Variants in SKIL observed in about 807,000 individuals in gnomAD.
SKIL encodes the protein ski-like protein.
In SKIL, 20 loss-of-function variants were observed where a neutral mutation model predicts 69.6. That is an observed-to-expected ratio of 0.29 (90% CI 0.20 to 0.42). SKIL has a LOEUF of 0.42. SKIL is among the 10% of genes least tolerant of loss of function. The probability of loss-of-function intolerance (pLI) is 1.00; values close to 1 mark genes in which losing one functional copy is unlikely to be tolerated. For synonymous variants in SKIL, 310 were observed against 279.9 expected, an observed-to-expected ratio of 1.11 and a Z score of -1.08; for missense variants, 745 against 783.1, an observed-to-expected ratio of 0.95 and a Z score of 0.58.
intron 2 of SKIL, among the ~76,000 whole-genome samples, chr3:170,376,110 C>T (rs1379092150): frequency 7.1e-6 from 1 of 140,884 alleles, no homozygotes; most frequent in East Asian, 2.1e-4. Flanking sequence ...CGCAGTGGCG[C>T]AATCTCAGCT....
intron 2 of SKIL, among the ~76,000 whole-genome samples, chr3:170,380,542 A>G (rs1006549589): frequency 6.6e-6 from 1 of 151,942 alleles, no homozygotes; most frequent in Non-Finnish European, 1.5e-5. Flanking sequence ...TACTCAGGAT[A>G]CTGAAGCAGA....
In SKIL at chr3:170,361,356, AG is replaced by A; in HGVS notation, c.1026del (p.Lys343AsnfsTer2). The A allele has an allele frequency of 6.2e-7, 1 of 1,609,366 alleles. No individual in the cohort carries two copies. The highest frequency in any genetic ancestry group is 8.5e-7 in the Non-Finnish European group (1 of 1,178,666). On this transcript the variant is annotated frameshift_variant, in exon 2 of 7. Coordinates refer to ENST00000259119, the MANE Select transcript of SKIL (RefSeq NM_005414.5). LOFTEE classifies it high-confidence loss of function. ...NQKYLGTPEE[K>X]KLKIILEEMK... ...AAATACTTAGGAACACCTGAAGAAAAGAAACTGAAGATAATTTTAGAAGAAA... is the reference window on the plus strand; with the variant it reads ...AAATACTTAGGAACACCTGAAGAAAAAAACTGAAGATAATTTTAGAAGAAA...
rs200215458 is a variant in SKIL, at chr3:170,382,540, G to A, written c.1196+1199G>A. Among the ~76,000 whole-genome samples the A allele has an allele frequency of 4.0e-4, 60 of 150,688 alleles. No individual in the cohort carries two copies. The East Asian group carries it at 0.01, about 26-fold the overall frequency. On this transcript the variant is annotated intron_variant, in intron 3 of 6. Transcript: ENST00000259119. ...AGCAGTTCTCTTGTCATGGCATCCT[G>A]TAGCTGAGCCTGAGCGCCAGCTGTC... is the stretch of plus-strand genomic sequence containing the variant.
intron 2 of SKIL, among the ~76,000 whole-genome samples, chr3:170,366,406 G>A (rs1736515784): frequency 1.3e-5 from 2 of 151,892 alleles, no homozygotes; most frequent in Non-Finnish European, 1.5e-5. Context: ...TAGGCCAGGC[G>A]CGGTGGCTCA....
intron 2 of SKIL, 41 bp downstream of exon 2, chr3:170,361,470 A>T: frequency 7.0e-7 from 1 of 1,430,336 alleles, no homozygotes; most frequent in Non-Finnish European, 9.5e-7. Flanking sequence ...GTAATGGTTT[A>T]CTTTGAAATG....
intron 3 of SKIL, among the ~76,000 whole-genome samples, chr3:170,382,426 T>TTG (rs1398090554): frequency 4.0e-5 from 6 of 151,546 alleles, no homozygotes; most frequent in Non-Finnish European, 5.9e-5. Flanking sequence ...TTTTTTTTTT[T>TTG]TTTTTTGAGA....
rs1428564368 is a variant in SKIL at position 170,391,343 on chromosome 3, G to C, written c.1896+83G>C. On this transcript the variant is annotated intron_variant, in intron 6 of 6. Coordinates refer to ENST00000259119, the MANE Select transcript of SKIL (RefSeq NM_005414.5). ...TTCTCTCTTTTTTTTTTTTGAGACA[G>C]AGACTGCTCTGTCGCCCAGGCTGGA... 4 of 767,612 alleles carry C rather than the reference G, an allele frequency of 5.2e-6. No individual in the cohort carries two copies. The East Asian group carries it at 1.1e-4, about 21-fold the overall frequency. The allele number at this position is 767,612 out of a possible 1,614,324, so 47.6% of individuals were successfully genotyped here. A position where few individuals can be genotyped will look rare whatever the true frequency, so the allele number is the denominator to read the frequency against.
chr3:170,384,382 C>T, intron 3 of SKIL, 151 bp from the exon 4 acceptor site: 1 of 525,424 alleles, frequency 1.9e-6, no homozygotes. Context: ...CCTAAGAATT[C>T]TTTACTGTGA....
At chr3:170,392,238 A>T in intron 6 of SKIL, 21 bp from the exon 7 acceptor site, 1 of 1,555,494 alleles carries the variant, frequency 6.4e-7, no homozygotes. Context: ...TAAAATTGAT[A>T]GCGCCTTTTA....
chr3:170,366,421 T>G (rs921005676), intron 2 of SKIL, among the ~76,000 whole-genome samples: 1 of 152,152 alleles, frequency 6.6e-6, no homozygotes, highest in Admixed American at 6.5e-5. Flanking sequence ...GGCTCATGCC[T>G]GTAATCCCAG....
chr3:170,364,308 CGTCTTTT>C, intron 2 of SKIL, among the ~76,000 whole-genome samples: 1 of 123,292 alleles, frequency 8.1e-6, no homozygotes, highest in Admixed American at 1.1e-4. Context: ...TTGTTGCTCC[CGTCTTTT>C]TTTTTTTTTT....
intron 2 of SKIL, among the ~76,000 whole-genome samples, chr3:170,362,479 G>A (rs535646379): frequency 2.9e-4 from 44 of 152,196 alleles, no homozygotes; most frequent in African/African-American, 1.0e-3. Flanking sequence ...TCCAGCGTAG[G>A]CGTCGAGGGA....
chr3:170,387,766 A>AAAAAAAAAAC (rs1416419622), intron 4 of SKIL, among the ~76,000 whole-genome samples: 1 of 132,568 alleles, frequency 7.5e-6, no homozygotes, highest in African/African-American at 2.6e-5. Flanking sequence ...TACTAAAAAA[A>AAAAAAAAAAC]AAAAAAAATA....
intron 2 of SKIL, 112 bp from the exon 3 acceptor site, chr3:170,381,132 A>T (rs1737321513): frequency 1.5e-6 from 1 of 661,024 alleles, no homozygotes; most frequent in African/African-American, 1.8e-5. Flanking sequence ...TGGCATGATG[A>T]CTCTTAAATA....
At position 170,394,739 on chromosome 3, in the gene SKIL, C is replaced by G. The variant is rs1321179611; in HGVS notation, c.*2322C>G. On this transcript the variant is annotated 3_prime_UTR_variant, in exon 7 of 7. Transcript: ENST00000259119. ...TTGGTGTGCCATAGGTTTCTAACTTCCTTGAAAATAGTTTTTTAAGTCAAT... is the reference window on the plus strand; with the variant it reads ...TTGGTGTGCCATAGGTTTCTAACTTGCTTGAAAATAGTTTTTTAAGTCAAT... 3.3e-5 allele frequency: 5 copies of G among 152,148 alleles called. No individual in the cohort carries two copies. Among genetic ancestry groups the G allele is most frequent in the Admixed American group, 1.3e-4 (2 of 15,270 alleles). 9.4% of individuals were successfully genotyped at this position (152,148 alleles called of 1,614,324 possible). A position where few individuals can be genotyped will look rare whatever the true frequency, so the allele number is the denominator to read the frequency against.
intron 2 of SKIL, among the ~76,000 whole-genome samples, chr3:170,364,774 A>G (rs961224908): frequency 6.6e-6 from 1 of 152,212 alleles, no homozygotes; most frequent in African/African-American, 2.4e-5. Flanking sequence ...AACTGAAACA[A>G]TGTGCTGAGG....
chr3:170,367,343 G>T (rs114786098), intron 2 of SKIL, among the ~76,000 whole-genome samples: 1,799 of 151,970 alleles, frequency 0.012, 17 homozygotes, highest in Non-Finnish European at 0.016. Context: ...ATCTCCTGAC[G>T]TCGTCATCCT....
rs1577405607 is a variant in SKIL at position 170,360,886 on chromosome 3, A to G, written c.555A>G (p.Thr185=). The stretch of plus-strand genomic sequence containing the variant: ...AATTTACACTCCAGCAAATAAATAC[A>G]GTGTGTGATGAACTGTACATATATT... ...LREFTLQQIN[T]VCDELYIYCS... Residue 185 remains threonine (T), a synonymous_variant, in exon 2 of 7, where the codon ACA becomes ACG. Transcript: ENST00000259119. The G allele has an allele frequency of 6.2e-7, 1 of 1,614,214 alleles. No homozygotes were observed. The highest frequency in any genetic ancestry group is 1.3e-5 in the African/African-American group (1 of 75,054).
chr3:170,379,698 C>T (rs1737228719), intron 2 of SKIL, among the ~76,000 whole-genome samples: 1 of 152,080 alleles, frequency 6.6e-6, no homozygotes, highest in South Asian at 2.1e-4. Flanking sequence ...GGCTGGAGTG[C>T]AGTGGCATGA....
Sources: gnomAD v4.1 joint callset for allele counts (sites outside exome capture counted in the v4.1 genomes callset) on GRCh38, gnomAD v4.1.1 for gene constraint, MANE v1.5 for transcripts, NCBI Gene and HGNC (gene_info 2026-07-23, HGNC 2026-07-21) for gene names.